The following MACROD2 variants were observed in gnomAD, a reference collection of about 807,000 sequenced individuals.
The protein encoded by MACROD2 is ADP-ribose glycohydrolase MACROD2.
A neutral mutation model predicts 70.4 loss-of-function variants in MACROD2; 36 were observed. The observed-to-expected ratio is 0.51, with a 90% CI of 0.39 to 0.68. MACROD2 has a LOEUF of 0.68. MACROD2 is among the 30% of genes least tolerant of loss of function. The pLI, the probability that MACROD2 is intolerant of heterozygous loss-of-function variation, is 0.00. For missense variants in MACROD2, 496 were observed against 538.4 expected (o/e 0.92, Z 0.78); for synonymous variants, 172 against 178.8 (o/e 0.96, Z 0.30).
intron 5 of MACROD2, among the ~76,000 whole-genome samples, chr20:14,693,963 A>G (rs908064362): frequency 2.0e-5 from 3 of 152,192 alleles, no homozygotes; most frequent in African/African-American, 7.2e-5. Flanking sequence ...TGTTTTATTG[A>G]GTACTTACTC....
chr20:15,272,504 G>A (rs1436230309), intron 6 of MACROD2, among the ~76,000 whole-genome samples: 2 of 152,192 alleles, frequency 1.3e-5, no homozygotes, highest in African/African-American at 4.8e-5. Flanking sequence ...TAAGTAAACT[G>A]TTTTCAGAAC....
intron 8 of MACROD2, among the ~76,000 whole-genome samples, chr20:15,817,969 T>G (rs568312042): frequency 2.8e-4 from 42 of 152,288 alleles, no homozygotes; most frequent in African/African-American, 9.4e-4. Context: ...GCTTTCTTTT[T>G]CCTCGAGGAT....
intron 6 of MACROD2, among the ~76,000 whole-genome samples, chr20:15,349,610 G>T (rs1224852126): frequency 6.6e-6 from 1 of 151,940 alleles, no homozygotes; most frequent in Non-Finnish European, 1.5e-5. Flanking sequence ...AAAAAAATTA[G>T]CTGGGCATGG....
intron 8 of MACROD2, among the ~76,000 whole-genome samples, chr20:15,651,754 C>T (rs1192198761): frequency 6.6e-6 from 1 of 152,152 alleles, no homozygotes; most frequent in African/African-American, 2.4e-5. Flanking sequence ...TGCTCACCCC[C>T]ATGTGGCCCA....
chr20:14,210,593 G>C (rs578118076), intron 3 of MACROD2, among the ~76,000 whole-genome samples: 10 of 152,126 alleles, frequency 6.6e-5, no homozygotes, highest in Non-Finnish European at 1.2e-4. Flanking sequence ...TTGTTTTCCT[G>C]GTGGTTTTTG....
At chr20:14,993,326 G>A (rs1200190178) in intron 5 of MACROD2, among the ~76,000 whole-genome samples, 1 of 151,046 alleles carries the variant, frequency 6.6e-6, no homozygotes, top group Non-Finnish European at 1.5e-5. Context: ...ATCATATTTA[G>A]ATCAACTGCC....
intron 5 of MACROD2, among the ~76,000 whole-genome samples, chr20:14,937,637 G>GAT (rs1035756445): frequency 6.6e-5 from 10 of 151,796 alleles, no homozygotes; most frequent in Admixed American, 3.9e-4. Flanking sequence ...GTGTAATTGG[G>GAT]ATATATATAT....
rs938671158 is a variant in MACROD2 at position 15,192,006 on chromosome 20, T to C, written c.419-37934T>C. On this transcript the variant is annotated intron_variant, in intron 5 of 17. Coordinates refer to ENST00000684519, the MANE Select transcript of MACROD2 (RefSeq NM_001351661.2). ...ATTATATAACTATATGTGCCCTCTA[T>C]TAACTATGTATCTATCTATCTATCT... Among the ~76,000 whole-genome samples, 12 of 134,176 alleles carry C rather than the reference T, an allele frequency of 8.9e-5. No homozygotes were observed. In the East Asian group the frequency reaches 2.6e-3, roughly 29 times the overall value. The allele number at this position is 134,176 out of a possible 152,430, so 88.0% of individuals were successfully genotyped here.
At chr20:14,319,780 C>A (rs1055859936) in intron 3 of MACROD2, among the ~76,000 whole-genome samples, 1 of 152,146 alleles carries the variant, frequency 6.6e-6, no homozygotes, top group African/African-American at 2.4e-5. Flanking sequence ...GCAATCCCCC[C>A]CTTTTTGTTT....
At chr20:14,531,278 G>T (rs116805923) in intron 4 of MACROD2, among the ~76,000 whole-genome samples, 2 of 152,108 alleles carry the variant, frequency 1.3e-5, no homozygotes, top group African/African-American at 4.8e-5. Context: ...AAATAATCCT[G>T]GATTCAGGGT....
intron 8 of MACROD2, among the ~76,000 whole-genome samples, chr20:15,640,563 C>A (rs919327820): frequency 1.3e-5 from 2 of 152,206 alleles, no homozygotes; most frequent in Non-Finnish European, 2.9e-5. Flanking sequence ...TATGAGGCAG[C>A]CCTGCCCATG....
chr20:15,177,713 A>G (rs1411246636), intron 5 of MACROD2, among the ~76,000 whole-genome samples: 4 of 152,264 alleles, frequency 2.6e-5, no homozygotes, highest in Admixed American at 1.3e-4. Flanking sequence ...CTGGAAAGAC[A>G]GAAAGAACAG....
At chr20:15,497,130 C>CAAAT (rs1338762871) in intron 7 of MACROD2, among the ~76,000 whole-genome samples, 1 of 152,082 alleles carries the variant, frequency 6.6e-6, no homozygotes, top group Non-Finnish European at 1.5e-5. Flanking sequence ...CCAGGGATGA[C>CAAAT]ATTTGTTTTA....
chr20:14,219,809 C>G (rs1425756098), intron 3 of MACROD2, among the ~76,000 whole-genome samples: 3 of 152,266 alleles, frequency 2.0e-5, no homozygotes, highest in Non-Finnish European at 1.5e-5. Flanking sequence ...TGGGTCTGGC[C>G]ACCCAGAGAG....
At chr20:16,007,504 A>G (rs932974616) in intron 15 of MACROD2, among the ~76,000 whole-genome samples, 1 of 152,238 alleles carries the variant, frequency 6.6e-6, no homozygotes, top group African/African-American at 2.4e-5. Flanking sequence ...GGTTTCTTAT[A>G]CAACAGTTTC....
intron 6 of MACROD2, among the ~76,000 whole-genome samples, chr20:15,414,593 C>A (rs1034068749): frequency 6.6e-6 from 1 of 152,144 alleles, no homozygotes; most frequent in Non-Finnish European, 1.5e-5. Flanking sequence ...TTAAAAAGGG[C>A]AGTATTGTTA....
In MACROD2 at chr20:15,021,177, CAG is replaced by C. The variant is rs147734165; in HGVS notation, c.419-208762_419-208761del. 1.0e-3 allele frequency among the ~76,000 whole-genome samples: 92 copies of C among 90,860 alleles called. 7 individuals are homozygous for C. Among genetic ancestry groups the C allele is most frequent in the Non-Finnish European group, 1.3e-3 (54 of 42,602 alleles). 59.6% of individuals were successfully genotyped at this position (90,860 alleles called of 152,430 possible). A position where few individuals can be genotyped will look rare whatever the true frequency, so the allele number is the denominator to read the frequency against. On this transcript the variant is annotated intron_variant, in intron 5 of 17. Coordinates refer to ENST00000684519, the MANE Select transcript of MACROD2 (RefSeq NM_001351661.2). The stretch of plus-strand genomic sequence containing the variant: ...ACACCTGTGTGTATGTATACACATA[CAG>C]GTGTGCGTATACACACACCTGTGTG...
chr20:15,232,096 C>CT (rs776630318), intron 6 of MACROD2, among the ~76,000 whole-genome samples: 4 of 151,690 alleles, frequency 2.6e-5, no homozygotes, highest in African/African-American at 9.7e-5. Flanking sequence ...TCCTTTCTTC[C>CT]TTTTTTTGGA....
intron 3 of MACROD2, among the ~76,000 whole-genome samples, chr20:14,479,475 G>A (rs1284309352): frequency 2.6e-5 from 4 of 152,168 alleles, no homozygotes; most frequent in African/African-American, 9.7e-5. Flanking sequence ...TACATTGGAT[G>A]TCAGGGAATG....
Sources: gnomAD v4.1 joint callset for allele counts (sites outside exome capture counted in the v4.1 genomes callset) on GRCh38, gnomAD v4.1.1 for gene constraint, MANE v1.5 for transcripts, NCBI Gene and HGNC (gene_info 2026-07-23, HGNC 2026-07-21) for gene names.